DNAH11: variants seen among roughly 807,000 people sequenced by gnomAD.
The protein encoded by DNAH11 is dynein axonemal heavy chain 11.
In DNAH11, 442 loss-of-function variants were observed where a neutral mutation model predicts 526.0. The ratio of observed to expected loss-of-function variants is 0.84; its 90% confidence interval spans 0.78 to 0.91. The LOEUF (loss-of-function observed/expected upper bound fraction) is 0.91. Among genes scored for constraint, DNAH11 ranks in the 40% least tolerant of loss-of-function variants. The pLI is 0.00. For synonymous variants in DNAH11, 2,461 were observed against 1,935.9 expected, an observed-to-expected ratio of 1.27 and a Z score of -7.12; for missense variants, 6,989 against 5,448.7, an observed-to-expected ratio of 1.28 and a Z score of -8.90.
At chr7:21,615,051 C>T (rs942032628) in intron 20 of DNAH11, 63 bp from the exon 21 acceptor site, 14 of 1,486,086 alleles carry the variant, frequency 9.4e-6, no homozygotes, top group Non-Finnish European at 1.3e-5. Flanking sequence ...ACCAGAGCTA[C>T]AGAACTGCAT....
intron 55 of DNAH11, among the ~76,000 whole-genome samples, chr7:21,766,971 C>A (rs1463327616): frequency 6.6e-6 from 1 of 152,158 alleles, no homozygotes; most frequent in East Asian, 1.9e-4. Flanking sequence ...AACGTTTCCA[C>A]AAATAAATGA....
At position 21,663,911 on chromosome 7, in the gene DNAH11, G is replaced by A. The variant is rs12672176; in HGVS notation, c.5328+4880G>A. Among the ~76,000 whole-genome samples, 64 of 152,112 alleles carry A rather than the reference G, an allele frequency of 4.2e-4. 1 individual carries two copies. The East Asian group carries it at 6.2e-3, about 15-fold the overall frequency. On this transcript the variant is annotated intron_variant, in intron 30 of 81. Coordinates refer to ENST00000409508, the MANE Select transcript of DNAH11 (RefSeq NM_001277115.2). ...GAAGAGATACAGGTGTCTCTTCAAC[G>A]TACTGATTTCAGTTCTCTGGTATAT... is the stretch of plus-strand genomic sequence containing the variant.
chr7:21,570,340 G>A, intron 7 of DNAH11, 41 bp downstream of exon 7: 1 of 1,520,372 alleles, frequency 6.6e-7, no homozygotes, highest in Non-Finnish European at 8.9e-7. Context: ...TTGAAGGTGG[G>A]TGCAAAAAGC....
chr7:21,549,977 C>T (rs1782958161), intron 2 of DNAH11, among the ~76,000 whole-genome samples: 1 of 152,132 alleles, frequency 6.6e-6, no homozygotes, highest in Non-Finnish European at 1.5e-5. Flanking sequence ...GGGGGAGTCC[C>T]CTGCCCGTTT....
chr7:21,729,289 C>T (rs1236508762), intron 45 of DNAH11, among the ~76,000 whole-genome samples: 1 of 152,158 alleles, frequency 6.6e-6, no homozygotes, highest in Non-Finnish European at 1.5e-5. Flanking sequence ...GGCAATATTT[C>T]TGCTGGTATA....
At chr7:21,898,941 T>A (rs1050428834) in intron 79 of DNAH11, among the ~76,000 whole-genome samples, 2 of 152,238 alleles carry the variant, frequency 1.3e-5, no homozygotes, top group African/African-American at 4.8e-5. Context: ...GTAACCACCA[T>A]CACAGCCTTG....
intron 25 of DNAH11, among the ~76,000 whole-genome samples, chr7:21,630,944 G>A (rs562672652): frequency 1.2e-4 from 19 of 152,098 alleles, no homozygotes; most frequent in African/African-American, 4.1e-4. Context: ...TCTTAAATTT[G>A]TTAAGACTTG....
At chr7:21,687,593 C>T in intron 34 of DNAH11, 66 bp downstream of exon 34, 2 of 1,535,954 alleles carry the variant, frequency 1.3e-6, no homozygotes, top group Non-Finnish European at 1.8e-6. Context: ...GGTAACCTCC[C>T]CTTCACTGTC....
At chr7:21,752,774 A>G (rs1167245398) in intron 54 of DNAH11, among the ~76,000 whole-genome samples, 3 of 152,142 alleles carry the variant, frequency 2.0e-5, no homozygotes, top group Non-Finnish European at 4.4e-5. Flanking sequence ...ATGCAATGGC[A>G]TGATCTGAGC....
intron 42 of DNAH11, among the ~76,000 whole-genome samples, chr7:21,717,494 A>G (rs938948640): frequency 8.5e-5 from 13 of 152,196 alleles, no homozygotes; most frequent in African/African-American, 2.7e-4. Flanking sequence ...GCACTTCCTC[A>G]TAAATGCTCG....
At chr7:21,824,869 C>G (rs1453742436) in intron 65 of DNAH11, among the ~76,000 whole-genome samples, 1 of 151,964 alleles carries the variant, frequency 6.6e-6, no homozygotes, top group East Asian at 1.9e-4. Context: ...CTTGCAAATT[C>G]GTTACTATAA....
At chr7:21,718,878 C>T (rs1784772447) in intron 43 of DNAH11, among the ~76,000 whole-genome samples, 1 of 152,042 alleles carries the variant, frequency 6.6e-6, no homozygotes, top group Non-Finnish European at 1.5e-5. Context: ...ATTCGCACAC[C>T]AATTAAATAA....
At chr7:21,893,126 A>G (rs917885048) in intron 77 of DNAH11, among the ~76,000 whole-genome samples, 1 of 152,246 alleles carries the variant, frequency 6.6e-6, no homozygotes, top group Non-Finnish European at 1.5e-5. Context: ...TATCACAACC[A>G]TGAACATTCT....
intron 31 of DNAH11, 105 bp from the exon 32 acceptor site, chr7:21,683,678 AT>A: frequency 1.6e-6 from 2 of 1,267,164 alleles, no homozygotes; most frequent in Non-Finnish European, 2.1e-6. Flanking sequence ...GAGATTTCCT[AT>A]TTATGAGAAT....
In DNAH11 at chr7:21,834,237, A is replaced by C. The variant is rs557501490; in HGVS notation, c.10692-8307A>C. On this transcript the variant is annotated intron_variant, in intron 65 of 81. Transcript: ENST00000409508. ...ACTATACAAATACTTGGAGATTAAA[A>C]AATGTACTCCTAAACAACAAACGGG... is the stretch of plus-strand genomic sequence containing the variant. 2.6e-5 allele frequency among the ~76,000 whole-genome samples: 4 copies of C among 152,332 alleles called. No individual in the cohort carries two copies. In the South Asian group the frequency reaches 8.3e-4, roughly 32 times the overall value.
rs910234166 is a variant in DNAH11 at position 21,733,026 on chromosome 7, G to A, written c.7441-2614G>A. ...CTGCAGGAGCCAGGCAGAGCTTCCC[G>A]TGGAGCACGTGGCTATGTGGGGGAG... On this transcript the variant is annotated intron_variant, in intron 45 of 81. Transcript: ENST00000409508. Among the ~76,000 whole-genome samples, 7 of 152,266 alleles carry A rather than the reference G, an allele frequency of 4.6e-5. No homozygotes were observed. In the East Asian group the frequency reaches 1.2e-3, roughly 25 times the overall value.
intron 28 of DNAH11, among the ~76,000 whole-genome samples, chr7:21,646,365 A>C (rs1367898311): frequency 1.3e-5 from 2 of 152,242 alleles, no homozygotes; most frequent in Non-Finnish European, 2.9e-5. Flanking sequence ...GATTCATGAC[A>C]GATGAGGAAC....
intron 45 of DNAH11, among the ~76,000 whole-genome samples, chr7:21,731,404 A>C (rs1332181741): frequency 1.3e-5 from 2 of 152,184 alleles, no homozygotes; most frequent in African/African-American, 4.8e-5. Context: ...CAACCAAAAA[A>C]AGGAAAATTG....
intron 73 of DNAH11, among the ~76,000 whole-genome samples, chr7:21,870,889 A>G (rs1783469958): frequency 6.6e-6 from 1 of 152,190 alleles, no homozygotes; most frequent in African/African-American, 2.4e-5. Flanking sequence ...TGGTAAGGAG[A>G]GATTATACCA....
Sources: gnomAD v4.1 joint callset for allele counts (sites outside exome capture counted in the v4.1 genomes callset) on GRCh38, gnomAD v4.1.1 for gene constraint, MANE v1.5 for transcripts, NCBI Gene and HGNC (gene_info 2026-07-23, HGNC 2026-07-21) for gene names.